The following FREM1 variants were observed in gnomAD, a reference collection of about 807,000 sequenced individuals.
The protein encoded by FREM1 is FRAS1-related extracellular matrix protein 1.
In FREM1, 220 loss-of-function variants were observed where a neutral mutation model predicts 210.1. The ratio of observed to expected loss-of-function variants is 1.05; its 90% CI spans 0.94 to 1.17. FREM1 has a LOEUF of 1.17. Ranked by LOEUF, FREM1 falls within the 50% of genes most tolerant of loss-of-function variation. The pLI is 0.00. For missense variants in FREM1, 3,454 were observed against 2,675.5 expected (o/e 1.29, Z -6.42); for synonymous variants, 1,189 against 980.2 (o/e 1.21, Z -3.98).
intron 10 of FREM1, among the ~76,000 whole-genome samples, chr9:14,826,998 G>A (rs971800086): frequency 6.6e-6 from 1 of 152,162 alleles, no homozygotes; most frequent in African/African-American, 2.4e-5. Context: ...AGCACAAATG[G>A]ACTAAGACAG....
intron 15 of FREM1, among the ~76,000 whole-genome samples, chr9:14,814,549 A>G (rs7032310): frequency 0.056 from 8,529 of 152,278 alleles, 762 homozygotes; most frequent in African/African-American, 0.19. Context: ...TAGTTATTTA[A>G]AGACTTTAAA....
At chr9:14,908,063 A>G (rs551620976) in intron 1 of FREM1, among the ~76,000 whole-genome samples, 6 of 152,246 alleles carry the variant, frequency 3.9e-5, no homozygotes, top group Admixed American at 3.9e-4. Flanking sequence ...AAATGTTTGG[A>G]ATGAGGAAAG....
Position 14,823,239 on chromosome 9 carries a change from A to G in FREM1, c.2258T>C (p.Val753Ala), listed in dbSNP as rs1821711377. 3 of 1,613,968 alleles carry G rather than the reference A, an allele frequency of 1.9e-6. No individual in the cohort carries two copies. Among genetic ancestry groups the G allele is most frequent in the Middle Eastern group, 1.6e-4 (1 of 6,062 alleles). ...CAAAGTACCGCCATGTTGGTTACTG[A>G]CAGAAAATGTGAACTGGACATCTCT... Reference protein sequence around the residue: ...HCRDVQFTFSVSNQHGGTLHG... With the variant: ...HCRDVQFTFSASNQHGGTLHG... The change falls in exon 13 of 37, where the codon GTC becomes GCC. Residue 753 changes from valine to alanine, a missense_variant. Val to Ala is a moderately conservative substitution (Grantham distance 64). Transcript: ENST00000380880.
chr9:14,866,494 T>C (rs1394438497), intron 2 of FREM1, among the ~76,000 whole-genome samples: 3 of 152,128 alleles, frequency 2.0e-5, no homozygotes, highest in East Asian at 1.9e-4. Flanking sequence ...TAGGTAACAA[T>C]AGATTATCTC....
chr9:14,879,509 C>T (rs571603367), intron 1 of FREM1, among the ~76,000 whole-genome samples: 49 of 152,268 alleles, frequency 3.2e-4, no homozygotes, highest in East Asian at 9.6e-4. Flanking sequence ...ATAAAAGCAA[C>T]GTCTACAAGA....
At chr9:14,837,174 A>C (rs1031967868) in intron 10 of FREM1, among the ~76,000 whole-genome samples, 2 of 152,218 alleles carry the variant, frequency 1.3e-5, no homozygotes, top group South Asian at 4.1e-4. Flanking sequence ...GCATATTAAA[A>C]GGCTAGGGTG....
At chr9:14,876,088 G>C (rs1349001167) in intron 1 of FREM1, among the ~76,000 whole-genome samples, 1 of 152,084 alleles carries the variant, frequency 6.6e-6, no homozygotes, top group Admixed American at 6.5e-5. Context: ...TGCCCCTACT[G>C]GGGGGTGCCT....
rs7024906 is a variant in FREM1, at chr9:14,830,259, G to T, written c.1882-5267C>A. On this transcript the variant is annotated intron_variant, in intron 10 of 36. Transcript: ENST00000380880. ...ATTATATTGTGAGCCTGAATATGAA[G>T]ACCAAGGCCAGGTTTTGTCATTTTG... Among the ~76,000 whole-genome samples, 1,356 of 152,210 alleles carry T rather than the reference G, an allele frequency of 8.9e-3. 18 individuals are homozygous for T. The highest frequency in any genetic ancestry group is 0.031 in the African/African-American group (1,278 of 41,520).
intron 29 of FREM1, among the ~76,000 whole-genome samples, chr9:14,751,131 C>G (rs1299280528): frequency 2.0e-5 from 3 of 152,046 alleles, no homozygotes; most frequent in Non-Finnish European, 4.4e-5. Flanking sequence ...CCTGAGTTTA[C>G]TTAGAAGAAC....
chr9:14,909,121 A>G (rs904090188), intron 1 of FREM1, among the ~76,000 whole-genome samples: 37 of 152,148 alleles, frequency 2.4e-4, no homozygotes, highest in African/African-American at 8.2e-4. Flanking sequence ...TATAAACACC[A>G]ATTGGCTCCC....
intron 22 of FREM1, among the ~76,000 whole-genome samples, chr9:14,792,337 C>T (rs1281499071): frequency 1.3e-5 from 2 of 148,726 alleles, no homozygotes; most frequent in African/African-American, 5.1e-5. Flanking sequence ...ACAAGAAAGA[C>T]TGTAGACTTG....
intron 25 of FREM1, among the ~76,000 whole-genome samples, chr9:14,771,211 C>A (rs1847510270): frequency 1.3e-5 from 2 of 152,148 alleles, no homozygotes; most frequent in Admixed American, 1.3e-4. Context: ...GAGCAGACTT[C>A]ATGTTAACTC....
At chr9:14,898,198 GCT>G (rs1200796888) in intron 1 of FREM1, among the ~76,000 whole-genome samples, 1 of 152,048 alleles carries the variant, frequency 6.6e-6, no homozygotes, top group Admixed American at 6.6e-5. Context: ...TCTTCCTTGG[GCT>G]CTGTTTCCTC....
intron 24 of FREM1, among the ~76,000 whole-genome samples, chr9:14,779,148 C>A (rs1849235599): frequency 6.6e-6 from 1 of 152,150 alleles, no homozygotes; most frequent in Non-Finnish European, 1.5e-5. Flanking sequence ...CCCTCAGTGC[C>A]TCCAAGTTCC....
At chr9:14,897,785 G>T (rs1391652078) in intron 1 of FREM1, among the ~76,000 whole-genome samples, 1 of 151,760 alleles carries the variant, frequency 6.6e-6, no homozygotes, top group African/African-American at 2.4e-5. Flanking sequence ...GTAGAAACAG[G>T]GTCTCAGTAT....
chr9:14,900,885 A>T (rs557605277), intron 1 of FREM1, among the ~76,000 whole-genome samples: 1 of 152,356 alleles, frequency 6.6e-6, no homozygotes, highest in East Asian at 1.9e-4. Flanking sequence ...GTCCTTGCAC[A>T]TCCCTTCCCC....
chr9:14,839,624 G>T (rs1049264080), intron 10 of FREM1, among the ~76,000 whole-genome samples: 1 of 152,122 alleles, frequency 6.6e-6, no homozygotes, highest in Non-Finnish European at 1.5e-5. Flanking sequence ...TGACCAATTT[G>T]CCCAGATTCA....
At chr9:14,907,251 G>T (rs1250143073) in intron 1 of FREM1, among the ~76,000 whole-genome samples, 1 of 152,124 alleles carries the variant, frequency 6.6e-6, no homozygotes, top group African/African-American at 2.4e-5. Flanking sequence ...TTCTTATCTT[G>T]ATGGCCAAGT....
At chr9:14,891,210 A>G (rs1156332483) in intron 1 of FREM1, among the ~76,000 whole-genome samples, 1 of 152,246 alleles carries the variant, frequency 6.6e-6, no homozygotes, top group Non-Finnish European at 1.5e-5. Context: ...CATGTCCAGG[A>G]ATTCATCTTT....
Sources: allele counts gnomAD v4.1 joint callset (sites outside exome capture counted in the v4.1 genomes callset), GRCh38; gene constraint gnomAD v4.1.1; transcripts MANE v1.5; gene names NCBI Gene and HGNC (gene_info 2026-07-23, HGNC 2026-07-21).